The following PCDHA6 variants were observed in gnomAD, a reference collection of about 807,000 sequenced individuals.
The protein encoded by PCDHA6 is protocadherin alpha 6.
In PCDHA6, 55 loss-of-function variants were observed where a neutral mutation model predicts 60.3. That is an observed-to-expected ratio of 0.91 (90% CI 0.73 to 1.14). The LOEUF (loss-of-function observed/expected upper bound fraction) is 1.14. Among genes scored for constraint, PCDHA6 ranks in the 50% most tolerant of loss-of-function variants. The pLI, the probability that PCDHA6 is intolerant of heterozygous loss-of-function variation, is 0.00. For synonymous variants in PCDHA6, 652 were observed against 557.9 expected (o/e 1.17, Z -2.38); for missense variants, 1,327 against 1,256.5 (o/e 1.06, Z -0.85).
intron 1 of PCDHA6, among the ~76,000 whole-genome samples, chr5:140,895,640 T>G (rs1554186577): frequency 6.6e-6 from 1 of 152,220 alleles, no homozygotes; most frequent in Non-Finnish European, 1.5e-5. Flanking sequence ...ACATTCTTTT[T>G]TAGCTCCCAC....
chr5:140,935,985 C>G (rs155825), intron 1 of PCDHA6, among the ~76,000 whole-genome samples: 1 of 150,926 alleles, frequency 6.6e-6, no homozygotes, highest in Admixed American at 6.6e-5. Context: ...CTCTGCCTCC[C>G]GGGTTCAAGC....
chr5:140,839,391 TG>T (rs1776205247), intron 1 of PCDHA6, among the ~76,000 whole-genome samples: 1 of 151,714 alleles, frequency 6.6e-6, no homozygotes, highest in African/African-American at 2.4e-5. Flanking sequence ...ATGATGATGA[TG>T]ATGATTATTA....
chr5:140,871,476 G>A (rs1437006996), intron 1 of PCDHA6: 1 of 1,598,568 alleles, frequency 6.3e-7, no homozygotes, highest in Admixed American at 1.7e-5. Flanking sequence ...AGGAGCCAGG[G>A]TCAAATCACC....
chr5:140,991,635 T>C (rs1215420696), intron 3 of PCDHA6, among the ~76,000 whole-genome samples: 1 of 152,220 alleles, frequency 6.6e-6, no homozygotes, highest in East Asian at 1.9e-4. Flanking sequence ...GTAATAACAA[T>C]CTGTTCATGA....
At chr5:140,852,888 T>TA (rs1217426677) in intron 1 of PCDHA6, 2 of 919,976 alleles carry the variant, frequency 2.2e-6, no homozygotes, top group Non-Finnish European at 2.6e-6. Context: ...AAAACGTATT[T>TA]TTTTTTTTGA....
intron 1 of PCDHA6, among the ~76,000 whole-genome samples, chr5:140,960,579 C>G (rs2095556928): frequency 6.6e-6 from 1 of 152,052 alleles, no homozygotes; most frequent in South Asian, 2.1e-4. Context: ...AGTTGGAAAA[C>G]AGTTCAAATT....
chr5:140,860,366 G>A (rs2046359217), intron 1 of PCDHA6: 1 of 152,102 alleles, frequency 6.6e-6, no homozygotes, highest in African/African-American at 2.4e-5. Flanking sequence ...GGATGACAAA[G>A]TGAGACCCTA....
chr5:141,006,356 C>T (rs1342790572), intron 3 of PCDHA6, among the ~76,000 whole-genome samples: 4 of 151,920 alleles, frequency 2.6e-5, no homozygotes, highest in South Asian at 2.1e-4. Flanking sequence ...GGACTATAGG[C>T]GCCCACCACC....
chr5:140,967,528 T>C, intron 1 of PCDHA6: 3 of 1,613,146 alleles, frequency 1.9e-6, no homozygotes, highest in Non-Finnish European at 2.5e-6. Context: ...ACGACAACTC[T>C]CCTGCCTTTG....
chr5:140,853,712 G>A (rs2042842322), intron 1 of PCDHA6: 2 of 988,190 alleles, frequency 2.0e-6, no homozygotes, highest in Non-Finnish European at 2.4e-6. Flanking sequence ...ATTAGCATTA[G>A]CAGCACCTAA....
chr5:140,971,698 A>G (rs969936167), intron 1 of PCDHA6, among the ~76,000 whole-genome samples: 16 of 151,980 alleles, frequency 1.1e-4, no homozygotes, highest in Non-Finnish European at 2.2e-4. Context: ...CTCACTAACC[A>G]CCCTGCTATA....
chr5:140,869,562 A>T (rs373044645), intron 1 of PCDHA6: 50 of 1,614,050 alleles, frequency 3.1e-5, no homozygotes, highest in Non-Finnish European at 3.5e-5. Context: ...CGCGTTTTCC[A>T]CTAGAGGGAG....
rs781965106 is a variant in PCDHA6 at position 140,882,419 on chromosome 5, G to A, written c.2394+51934G>A. 8.7e-6 allele frequency: 14 copies of A among 1,613,992 alleles called. No homozygotes were observed. The African/African-American group carries it at 1.5e-4, about 17-fold the overall frequency. ...CACCTTCGTGGGCCGCATCGCTCAG[G>A]ACCTGGGGCTGGAGCTGGCGGAGCT... On this transcript the variant is annotated intron_variant, in intron 1 of 3. Transcript: ENST00000529310.
chr5:140,923,000 G>A (rs1554201089), intron 1 of PCDHA6, among the ~76,000 whole-genome samples: 2 of 152,220 alleles, frequency 1.3e-5, no homozygotes, highest in African/African-American at 4.8e-5. Context: ...CCATGAGAAT[G>A]GTTGTTGGAC....
At chr5:140,857,952 C>G in intron 1 of PCDHA6, 1 of 1,597,470 alleles carries the variant, frequency 6.3e-7, no homozygotes, top group South Asian at 1.1e-5. Context: ...ACGACGCGCG[C>G]TCTGGATGAG....
Position 140,883,794 on chromosome 5 carries a change from C to T in PCDHA6, c.2394+53309C>T, listed in dbSNP as rs781822448. On this transcript the variant is annotated intron_variant, in intron 1 of 3. Coordinates refer to ENST00000529310, the MANE Select transcript of PCDHA6 (RefSeq NM_018909.4). ...GAGCGTGCGCTGTCGAGCTACGTGT[C>T]GGTGCACGCGGAGAGCGGCAAGGTG... 8 of 1,612,476 alleles carry T rather than the reference C, an allele frequency of 5.0e-6. No individual in the cohort carries two copies. The East Asian group carries it at 1.6e-4, about 31-fold the overall frequency.
chr5:140,990,518 T>G (rs2097397992), intron 3 of PCDHA6, among the ~76,000 whole-genome samples: 1 of 152,314 alleles, frequency 6.6e-6, no homozygotes, highest in South Asian at 2.1e-4. Context: ...CTCTCTTGTC[T>G]TTTTTGACTG....
Position 140,940,419 on chromosome 5 carries a change from A to G in PCDHA6, c.2395-38530A>G, listed in dbSNP as rs890018340. Among the ~76,000 whole-genome samples, 3 of 152,002 alleles carry G rather than the reference A, an allele frequency of 2.0e-5. No homozygotes were observed. The East Asian group carries it at 5.8e-4, about 29-fold the overall frequency. ...GTTTTTCATTTTAAAAATTATAATT[A>G]TTACTGATCAAGTCTGCCATGATAT... On this transcript the variant is annotated intron_variant, in intron 1 of 3. Transcript: ENST00000529310.
chr5:141,006,350 T>G (rs1254086807), intron 3 of PCDHA6, among the ~76,000 whole-genome samples: 2 of 152,086 alleles, frequency 1.3e-5, no homozygotes, highest in Non-Finnish European at 2.9e-5. Flanking sequence ...TAGCTGGGAC[T>G]ATAGGCGCCC....
Sources: gnomAD v4.1 joint callset for allele counts (sites outside exome capture counted in the v4.1 genomes callset) on GRCh38, gnomAD v4.1.1 for gene constraint, MANE v1.5 for transcripts, NCBI Gene and HGNC (gene_info 2026-07-23, HGNC 2026-07-21) for gene names.